The following DLC1 variants were observed in gnomAD, a reference collection of about 807,000 sequenced individuals.
DLC1 encodes DLC1 Rho GTPase activating protein, also known as rho GTPase-activating protein 7.
DLC1 carries 54 observed loss-of-function variants against 140.3 expected under a neutral mutation model. The ratio of observed to expected loss-of-function variants is 0.38; its 90% confidence interval spans 0.31 to 0.48. DLC1 has a LOEUF of 0.48. Ranked by LOEUF, DLC1 falls within the 20% of genes least tolerant of loss-of-function variation. The pLI, the probability that DLC1 is intolerant of heterozygous loss-of-function variation, is 0.96. For synonymous variants in DLC1, 986 were observed against 728.1 expected (o/e 1.35, Z -5.70); for missense variants, 2,536 against 1,907.0 (o/e 1.33, Z -6.14).
At chr8:13,514,283 C>T (rs1288340027) in intron 1 of DLC1, among the ~76,000 whole-genome samples, 1 of 152,018 alleles carries the variant, frequency 6.6e-6, no homozygotes, top group Non-Finnish European at 1.5e-5. Flanking sequence ...ATTTGTTTCA[C>T]GTTATGCCAA....
Position 13,438,893 on chromosome 8 carries a change from T to C in DLC1, c.1024-37274A>G, listed in dbSNP as rs767141781. 4.6e-5 allele frequency among the ~76,000 whole-genome samples: 7 copies of C among 152,204 alleles called. No homozygotes were observed. The East Asian group carries it at 1.3e-3, about 29-fold the overall frequency. On this transcript the variant is annotated intron_variant, in intron 2 of 17. Transcript: ENST00000276297. ...TCGGCAAACTTTTTCCATAAAGGACTGAAGTGTACGTATTTTAGCCTTCGT... is the reference window on the plus strand; with the variant it reads ...TCGGCAAACTTTTTCCATAAAGGACCGAAGTGTACGTATTTTAGCCTTCGT...
chr8:13,592,766 T>C (rs540180569), intron 1 of DLC1, among the ~76,000 whole-genome samples: 2 of 152,264 alleles, frequency 1.3e-5, no homozygotes, highest in South Asian at 2.1e-4. Flanking sequence ...ACAGTTTCTT[T>C]CTGGTGCAGT....
chr8:13,155,130 T>C (rs1425014315), intron 5 of DLC1, among the ~76,000 whole-genome samples: 2 of 115,352 alleles, frequency 1.7e-5, no homozygotes, highest in African/African-American at 5.8e-5. Flanking sequence ...CAACTTGCGC[T>C]GCTTTTTTTT....
chr8:13,253,838 G>A (rs1000345128), intron 5 of DLC1, among the ~76,000 whole-genome samples: 2 of 151,924 alleles, frequency 1.3e-5, no homozygotes. Flanking sequence ...TTAGAGTCTG[G>A]GGAAAAAAAC....
intron 2 of DLC1, among the ~76,000 whole-genome samples, chr8:13,485,429 A>G (rs994540661): frequency 1.3e-5 from 2 of 152,198 alleles, no homozygotes; most frequent in African/African-American, 4.8e-5. Context: ...CTGCTGTCTC[A>G]AGTGACCTTA....
chr8:13,577,301 T>C (rs12549179), intron 1 of DLC1, among the ~76,000 whole-genome samples: 11,442 of 152,270 alleles, frequency 0.075, 666 homozygotes, highest in Admixed American at 0.18. Context: ...CCAAGCCTAT[T>C]TTACATGACA....
chr8:13,297,582 T>C (rs1045870980), intron 5 of DLC1, among the ~76,000 whole-genome samples: 5 of 152,144 alleles, frequency 3.3e-5, no homozygotes, highest in Non-Finnish European at 7.4e-5. Context: ...TTGGGAGTAC[T>C]GCGCTGAATG....
intron 1 of DLC1, among the ~76,000 whole-genome samples, chr8:13,502,465 T>C (rs990685611): frequency 6.6e-6 from 1 of 152,188 alleles, no homozygotes; most frequent in Non-Finnish European, 1.5e-5. Flanking sequence ...AAAAAATGAA[T>C]GTCTGCAAGC....
chr8:13,262,996 G>A (rs937249842), intron 5 of DLC1, among the ~76,000 whole-genome samples: 8 of 152,182 alleles, frequency 5.3e-5, no homozygotes, highest in African/African-American at 1.9e-4. Flanking sequence ...TTTTAAAAAT[G>A]AAGTGTTACT....
intron 5 of DLC1, among the ~76,000 whole-genome samples, chr8:13,142,696 A>G (rs1823092353): frequency 6.6e-6 from 1 of 152,224 alleles, no homozygotes; most frequent in Non-Finnish European, 1.5e-5. Context: ...TTTAACTAAA[A>G]TAGGGAAAGA....
At chr8:13,139,593 T>C (rs79653275) in intron 5 of DLC1, among the ~76,000 whole-genome samples, 2,466 of 152,296 alleles carry the variant, frequency 0.016, 91 homozygotes, top group Admixed American at 0.074. Flanking sequence ...CCTGATTTGA[T>C]AAATCAACCA....
chr8:13,168,882 CTG>C lies in DLC1; in HGVS notation c.1349-53227_1349-53226del, dbSNP rs200361578. Among the ~76,000 whole-genome samples the C allele has an allele frequency of 9.9e-3, 1,508 of 152,294 alleles. 18 individuals carry two copies. The highest frequency in any genetic ancestry group is 0.02 in the Middle Eastern group (6 of 294). ...GGAAATGAAGTCGGTGATTAGAATTCTGTGTTTCCTGATGGTGACCCTGTGGT... is the reference window on the plus strand; with the variant it reads ...GGAAATGAAGTCGGTGATTAGAATTCTGTTTCCTGATGGTGACCCTGTGGT... On this transcript the variant is annotated intron_variant, in intron 5 of 17. Transcript: ENST00000276297.
At chr8:13,220,222 G>T (rs73663648) in intron 5 of DLC1, among the ~76,000 whole-genome samples, 2,996 of 152,158 alleles carry the variant, frequency 0.02, 101 homozygotes, top group African/African-American at 0.068. Context: ...GAGTCATTTT[G>T]GTCTCTGGGA....
intron 5 of DLC1, among the ~76,000 whole-genome samples, chr8:13,186,253 G>C (rs1163861631): frequency 6.6e-6 from 1 of 152,168 alleles, no homozygotes; most frequent in Non-Finnish European, 1.5e-5. Flanking sequence ...TTTCCAATTT[G>C]GTTCCATTCT....
intron 5 of DLC1, among the ~76,000 whole-genome samples, chr8:13,201,593 A>T (rs1302617754): frequency 1.3e-5 from 2 of 152,070 alleles, no homozygotes; most frequent in Non-Finnish European, 2.9e-5. Context: ...CATTCAAGTT[A>T]TTTAAGTACT....
intron 4 of DLC1, among the ~76,000 whole-genome samples, chr8:13,354,886 T>C (rs1013415759): frequency 3.3e-5 from 5 of 149,964 alleles, no homozygotes; most frequent in Non-Finnish European, 1.5e-5. Context: ...GATACTGATA[T>C]TGAGGCTGCA....
chr8:13,545,340 A>G (rs1233691325), intron 1 of DLC1, among the ~76,000 whole-genome samples: 2 of 150,790 alleles, frequency 1.3e-5, no homozygotes, highest in East Asian at 3.9e-4. Flanking sequence ...TACTTTAAAT[A>G]TAATATAAAG....
intron 4 of DLC1, among the ~76,000 whole-genome samples, chr8:13,307,629 A>T (rs1832503242): frequency 6.6e-6 from 1 of 152,248 alleles, no homozygotes; most frequent in Admixed American, 6.5e-5. Context: ...TCTTTTTTCA[A>T]CAAGACTGGA....
chr8:13,545,089 A>C (rs1803609864), intron 1 of DLC1, among the ~76,000 whole-genome samples: 1 of 152,112 alleles, frequency 6.6e-6, no homozygotes. Flanking sequence ...GGCATTTAAT[A>C]AAATTTTAAA....
Sources: gnomAD v4.1 joint callset for allele counts (sites outside exome capture counted in the v4.1 genomes callset) on GRCh38, gnomAD v4.1.1 for gene constraint, MANE v1.5 for transcripts, NCBI Gene and HGNC (gene_info 2026-07-23, HGNC 2026-07-21) for gene names.